Variants in C19orf38 observed in about 807,000 individuals in gnomAD.
C19orf38 encodes the protein protein HIDE1.
C19orf38 carries 14 observed loss-of-function variants against 26.6 expected under a neutral mutation model. That is an observed-to-expected ratio of 0.53 (90% confidence interval 0.35 to 0.82). The LOEUF is 0.82. Ranked by LOEUF, C19orf38 falls within the 40% of genes least tolerant of loss-of-function variation. C19orf38 has a pLI of 0.01. For missense variants in C19orf38, 261 were observed against 299.5 expected (o/e 0.87, Z 0.95); for synonymous variants, 132 against 128.5 (o/e 1.03, Z -0.18).
At chr19:10,866,245 G>A (rs2073750078) in intron 6 of C19orf38, among the ~76,000 whole-genome samples, 1 of 149,596 alleles carries the variant, frequency 6.7e-6, no homozygotes, top group African/African-American at 2.5e-5. Context: ...TCTGTCACCA[G>A]GCTGGAGTGC....
At chr19:10,856,639 G>A (rs964298136) in intron 3 of C19orf38, among the ~76,000 whole-genome samples, 75 of 152,072 alleles carry the variant, frequency 4.9e-4, no homozygotes, top group African/African-American at 1.8e-3. Flanking sequence ...AAGTAGCTGG[G>A]ATTACAGGCG....
At chr19:10,865,012 T>C (rs2073738229) in intron 6 of C19orf38, among the ~76,000 whole-genome samples, 1 of 152,210 alleles carries the variant, frequency 6.6e-6, no homozygotes, top group Admixed American at 6.5e-5. Context: ...CTGAGGTCTC[T>C]GCTTCCAGAA....
intron 6 of C19orf38, among the ~76,000 whole-genome samples, chr19:10,867,541 C>T (rs1255099086): frequency 1.3e-5 from 2 of 150,770 alleles, no homozygotes; most frequent in Non-Finnish European, 3.0e-5. Context: ...TCACTTGAAC[C>T]CAGGAGGCGG....
intron 1 of C19orf38, among the ~76,000 whole-genome samples, chr19:10,837,374 T>C (rs1228583249): frequency 2.6e-5 from 4 of 152,126 alleles, no homozygotes; most frequent in African/African-American, 9.7e-5. Context: ...CTTTGTAATA[T>C]CAGTTTGGTA....
chr19:10,860,159 T>G (rs1323072361), intron 5 of C19orf38: 4 of 580,230 alleles, frequency 6.9e-6, no homozygotes, highest in Non-Finnish European at 1.2e-5. Context: ...CTGGGAAGCC[T>G]TCCCTGACTC....
At chr19:10,846,201 G>T (rs189857733), upstream of C19orf38, among the ~76,000 whole-genome samples, 658 of 150,734 alleles carry the variant, frequency 4.4e-3, 5 homozygotes, top group African/African-American at 0.015. Context: ...ATGTTTTTTT[G>T]TTGTTTTTTT....
In C19orf38 at chr19:10,842,177, G is replaced by A. The variant is rs750505207; in HGVS notation, c.-69+5407G>A. ...CAAGCCCATCTGAAATGTTCATTCC[G>A]GCAAATGTGGTTCTGAAATGGTATG... is the stretch of plus-strand genomic sequence containing the variant. On this transcript the variant is annotated intron_variant, in intron 1 of 7. Coordinates refer to the C19orf38 transcript ENST00000592854. 1.1e-4 allele frequency: 173 copies of A among 1,560,906 alleles called. No individual in the cohort carries two copies. The Admixed American group carries it at 2.3e-3, about 21-fold the overall frequency.
upstream of C19orf38, among the ~76,000 whole-genome samples, chr19:10,847,931 G>A (rs1320553000): frequency 3.3e-5 from 5 of 151,988 alleles, no homozygotes; most frequent in African/African-American, 7.2e-5. Context: ...GGTGGCTCAC[G>A]CCTGAAATCC....
intron 2 of C19orf38, among the ~76,000 whole-genome samples, chr19:10,851,742 G>A (rs561477914): frequency 5.3e-5 from 8 of 152,064 alleles, no homozygotes; most frequent in Admixed American, 2.6e-4. Context: ...GCCGAGGCGG[G>A]TGGATCATGA....
chr19:10,844,834 C>G, upstream of C19orf38, among the ~76,000 whole-genome samples: 1 of 124,272 alleles, frequency 8.0e-6, no homozygotes. Flanking sequence ...GGCGACAGAG[C>G]GAGATTCCAT....
At chr19:10,848,685 CCT>C in intron 1 of C19orf38, 146 bp downstream of exon 1, 2 of 691,238 alleles carry the variant, frequency 2.9e-6, no homozygotes, top group East Asian at 2.7e-5. Context: ...GGGTTTTCCC[CCT>C]GAGCCTTGGA....
At chr19:10,866,708 G>A (rs1009906902) in intron 6 of C19orf38, among the ~76,000 whole-genome samples, 1 of 151,606 alleles carries the variant, frequency 6.6e-6, no homozygotes, top group African/African-American at 2.4e-5. Context: ...GGAGTGCAGT[G>A]GTGCCATCTG....
chr19:10,869,104 G>A (rs111723862), intron 6 of C19orf38, 114 bp from the exon 7 acceptor site: 7 of 1,355,878 alleles, frequency 5.2e-6, no homozygotes, highest in African/African-American at 2.9e-5. Context: ...GGGTGGGGGC[G>A]GGATGAGAGG....
intron 1 of C19orf38, 48 bp downstream of exon 1, chr19:10,848,587 C>T: frequency 7.6e-7 from 1 of 1,319,428 alleles, no homozygotes; most frequent in Non-Finnish European, 1.0e-6. Flanking sequence ...TTCCCCCCAT[C>T]CTCTGTCCAC....
At chr19:10,868,520 A>T (rs1220544260) in intron 6 of C19orf38, among the ~76,000 whole-genome samples, 2 of 152,032 alleles carry the variant, frequency 1.3e-5, no homozygotes, top group Admixed American at 6.6e-5. Flanking sequence ...TTTTTTATTT[A>T]TTTATTTTTT....
At chr19:10,842,243 A>T in intron 1 of C19orf38, 1 of 1,210,364 alleles carries the variant, frequency 8.3e-7, no homozygotes, top group Non-Finnish European at 1.2e-6. Flanking sequence ...ATCTCTTGGA[A>T]AACATAATTT....
Position 10,863,163 on chromosome 19 carries a change from G to C in C19orf38, c.506-7G>C. ...AATCCTGGGTTTTCTTTCTCTTTCT[G>C]TTTCAGACATGTCCTTCGATAACTC... On this transcript the variant is annotated splice_polypyrimidine_tract_variant and splice_region_variant and intron_variant, in intron 5 of 6. Coordinates refer to ENST00000397820, the MANE Select transcript of C19orf38 (RefSeq NM_001136482.3). 1 of 1,551,280 alleles carries C rather than the reference G, an allele frequency of 6.4e-7. No individual in the cohort carries two copies. Among genetic ancestry groups the C allele is most frequent in the Non-Finnish European group, 8.7e-7 (1 of 1,146,700 alleles).
Position 10,863,155 on chromosome 19 carries a change from C to T in C19orf38, c.506-15C>T. 7.7e-6 allele frequency: 12 copies of T among 1,551,018 alleles called. No individual in the cohort carries two copies. The highest frequency in any genetic ancestry group is 1.0e-5 in the Non-Finnish European group (12 of 1,146,466). The stretch of plus-strand genomic sequence containing the variant: ...TGGCCCCCAATCCTGGGTTTTCTTT[C>T]TCTTTCTGTTTCAGACATGTCCTTC... On this transcript the variant is annotated splice_polypyrimidine_tract_variant and intron_variant, in intron 5 of 6. Coordinates refer to ENST00000397820, the MANE Select transcript of C19orf38 (RefSeq NM_001136482.3).
At chr19:10,861,528 G>T (rs1035362603) in intron 5 of C19orf38, among the ~76,000 whole-genome samples, 1 of 152,166 alleles carries the variant, frequency 6.6e-6, no homozygotes, top group Non-Finnish European at 1.5e-5. Context: ...AGCCCGTGAT[G>T]GCACCAGACT....
Sources: allele counts gnomAD v4.1 joint callset (sites outside exome capture counted in the v4.1 genomes callset), GRCh38; gene constraint gnomAD v4.1.1; transcripts MANE v1.5; gene names NCBI Gene and HGNC (gene_info 2026-07-23, HGNC 2026-07-21).